SATB2: variants seen among roughly 807,000 people sequenced by gnomAD.
SATB2 encodes the protein SATB homeobox 2.
SATB2 carries 1 observed loss-of-function variant against 73.4 expected under a neutral mutation model. That is an observed-to-expected ratio of 0.01 (90% confidence interval 0.00 to 0.06). The LOEUF is 0.06. SATB2 is among the 10% of genes least tolerant of loss of function. The pLI is 1.00. For synonymous variants in SATB2, 397 were observed against 367.0 expected (o/e 1.08, Z -0.93); for missense variants, 459 against 945.8 (o/e 0.49, Z 6.75).
chr2:199,455,729 C>T lies in SATB2; in HGVS notation c.169+140G>A. ...GAAGCTACCAGTTGCAGATGAGAGG[C>T]GACGGGGGCATTATTTGGCAACCTG... is the stretch of plus-strand genomic sequence containing the variant. On this transcript the variant is annotated intron_variant, in intron 2 of 10. Coordinates refer to ENST00000417098, the MANE Select transcript of SATB2 (RefSeq NM_001172509.2). This position sits in a 1 kb window ranked among gnomAD's most constrained non-coding sequence, Gnocchi z 4.1. 3 of 917,962 alleles carry T rather than the reference C, an allele frequency of 3.3e-6. No homozygotes were observed. Among genetic ancestry groups the T allele is most frequent in the Non-Finnish European group, 5.0e-6 (3 of 599,960 alleles). 56.9% of individuals were successfully genotyped at this position (917,962 alleles called of 1,614,324 possible).
At chr2:199,322,898 G>A (rs927499348) in intron 9 of SATB2, among the ~76,000 whole-genome samples, 4 of 152,108 alleles carry the variant, frequency 2.6e-5, no homozygotes, top group African/African-American at 9.7e-5. Flanking sequence ...CATATGTAGG[G>A]ATGAAAACAT....
At chr2:199,304,240 A>G (rs574550662) in intron 10 of SATB2, among the ~76,000 whole-genome samples, 47 of 152,344 alleles carry the variant, frequency 3.1e-4, no homozygotes, top group African/African-American at 1.1e-3. Flanking sequence ...TAAGCTGAGA[A>G]TATCTATTCA....
At position 199,350,145 on chromosome 2, in the gene SATB2, C is replaced by G. The variant is rs971876186; in HGVS notation, c.701-972G>C. On this transcript the variant is annotated intron_variant, in intron 6 of 10. Coordinates refer to ENST00000417098, the MANE Select transcript of SATB2 (RefSeq NM_001172509.2). ...AGATCTCTTTTTCAAAGCAAAAAAT[C>G]CATACAAATTTAGAAATTATTTCTT... 2.6e-5 allele frequency among the ~76,000 whole-genome samples: 4 copies of G among 152,128 alleles called. No individual in the cohort carries two copies. In the South Asian group the frequency reaches 8.3e-4, roughly 32 times the overall value.
intron 3 of SATB2, among the ~76,000 whole-genome samples, chr2:199,401,458 CAGG>C (rs1690473313): frequency 4.6e-5 from 7 of 150,932 alleles, no homozygotes; most frequent in African/African-American, 1.7e-4. Context: ...GAGCCTGAGG[CAGG>C]AGAATTGCTT....
At chr2:199,470,303 C>T (rs1692679563) in intron 1 of SATB2, 1 of 152,250 alleles carries the variant, frequency 6.6e-6, no homozygotes, top group Non-Finnish European at 1.5e-5. Flanking sequence ...TGGGGACGCT[C>T]TGAGCATCGG....
chr2:199,354,552 G>T (rs1436370358), intron 6 of SATB2, among the ~76,000 whole-genome samples: 1 of 152,142 alleles, frequency 6.6e-6, no homozygotes, highest in African/African-American at 2.4e-5. Flanking sequence ...TTAAGAAACC[G>T]TCAAGGCAAG....
chr2:199,381,530 A>G (rs1689775293), intron 4 of SATB2, among the ~76,000 whole-genome samples, 164 bp downstream of exon 4: 1 of 152,194 alleles, frequency 6.6e-6, no homozygotes, highest in Non-Finnish European at 1.5e-5. Flanking sequence ...CACCTGGGGA[A>G]GGGCCACCCT....
intron 3 of SATB2, among the ~76,000 whole-genome samples, chr2:199,408,193 C>T (rs1038301441): frequency 2.6e-5 from 4 of 151,924 alleles, no homozygotes; most frequent in East Asian, 1.9e-4. Flanking sequence ...TGGGTGAAGA[C>T]GCTTATAAAA....
chr2:199,273,127 T>G (rs1160290008), intron 10 of SATB2, among the ~76,000 whole-genome samples: 4 of 152,200 alleles, frequency 2.6e-5, no homozygotes, highest in Non-Finnish European at 5.9e-5. Flanking sequence ...CAGCCTCTAT[T>G]TCATCATCCA....
At chr2:199,339,661 G>C (rs1425865901) in intron 7 of SATB2, among the ~76,000 whole-genome samples, 1 of 152,120 alleles carries the variant, frequency 6.6e-6, no homozygotes, top group African/African-American at 2.4e-5. Context: ...CTGGGTGCTT[G>C]TATCTCTATT....
chr2:199,391,704 G>A (rs1189548527), intron 3 of SATB2, among the ~76,000 whole-genome samples: 1 of 152,132 alleles, frequency 6.6e-6, no homozygotes, highest in East Asian at 1.9e-4. Flanking sequence ...ATACACAGGA[G>A]GTGTTCTCTC....
intron 8 of SATB2, among the ~76,000 whole-genome samples, chr2:199,326,537 G>T (rs1488474465): frequency 6.6e-6 from 1 of 152,040 alleles, no homozygotes; most frequent in East Asian, 1.9e-4. Context: ...TAGGAAAATA[G>T]TACAAAAGAG....
chr2:199,374,956 T>A (rs1689555840), intron 5 of SATB2, among the ~76,000 whole-genome samples: 1 of 146,664 alleles, frequency 6.8e-6, no homozygotes, highest in African/African-American at 2.5e-5. Context: ...CCAGGGAGAC[T>A]CCGTCGCAAA....
chr2:199,406,049 T>C (rs1437812112), intron 3 of SATB2, among the ~76,000 whole-genome samples: 1 of 152,180 alleles, frequency 6.6e-6, no homozygotes, highest in Non-Finnish European at 1.5e-5. Flanking sequence ...ATTTACATTG[T>C]ATTAGATATT....
intron 7 of SATB2, among the ~76,000 whole-genome samples, chr2:199,337,531 C>A (rs192585382): frequency 6.6e-6 from 1 of 152,028 alleles, no homozygotes; most frequent in African/African-American, 2.4e-5. Context: ...TTTCATGAAG[C>A]CTTTGCTTTA....
chr2:199,422,564 T>C (rs1691204551), intron 3 of SATB2, among the ~76,000 whole-genome samples: 1 of 152,160 alleles, frequency 6.6e-6, no homozygotes, highest in African/African-American at 2.4e-5. Context: ...GCCTGTAAGG[T>C]ATAATTACTA....
In SATB2 at chr2:199,457,367, A is replaced by G. The variant is rs1223024749; in HGVS notation, c.-88T>C. The G allele has an allele frequency of 1.3e-5, 2 of 152,298 alleles. No homozygotes were observed. Among genetic ancestry groups the G allele is most frequent in the African/African-American group, 4.8e-5 (2 of 41,386 alleles). 9.4% of individuals were successfully genotyped at this position (152,298 alleles called of 1,614,324 possible). Reference sequence around the variant, plus strand: ...TCACGGTCTGTCTGAAACTTGGCTGACTGGGGCTCTGTCCATGGAGCAAAA... The same window carrying G: ...TCACGGTCTGTCTGAAACTTGGCTGGCTGGGGCTCTGTCCATGGAGCAAAA... On this transcript the variant is annotated 5_prime_UTR_variant, in exon 1 of 11. Transcript: ENST00000417098. This position sits in a 1 kb window ranked among gnomAD's most constrained non-coding sequence, Gnocchi z 4.8.
chr2:199,299,581 T>C (rs1687219853), intron 10 of SATB2, among the ~76,000 whole-genome samples: 1 of 152,072 alleles, frequency 6.6e-6, no homozygotes, highest in Admixed American at 6.6e-5. Context: ...GAGGTCTATT[T>C]AAAAATACAT....
chr2:199,282,981 T>A (rs1395690206), intron 10 of SATB2, among the ~76,000 whole-genome samples: 1 of 152,230 alleles, frequency 6.6e-6, no homozygotes, highest in Non-Finnish European at 1.5e-5. Flanking sequence ...TAGGAAGACA[T>A]TCTTTATCAA....
Sources: gnomAD v4.1 joint callset for allele counts (sites outside exome capture counted in the v4.1 genomes callset) on GRCh38, gnomAD v4.1.1 for gene constraint, Gnocchi (gnomAD v3.1) non-coding constraint, MANE v1.5 for transcripts, NCBI Gene and HGNC (gene_info 2026-07-23, HGNC 2026-07-21) for gene names.